Variants in ZMYM5 observed in about 807,000 individuals in gnomAD.
ZMYM5 encodes the protein zinc finger MYM-type containing 5.
Under a neutral mutation model 61.8 loss-of-function variants are expected in ZMYM5, and 41 were observed. The ratio of observed to expected loss-of-function variants is 0.66; its 90% confidence interval spans 0.52 to 0.86. The LOEUF (loss-of-function observed/expected upper bound fraction) is 0.86. Among genes scored for constraint, ZMYM5 ranks in the 40% least tolerant of loss-of-function variants. ZMYM5 has a pLI of 0.00. For missense variants in ZMYM5, 706 were observed against 786.7 expected (o/e 0.90, Z 1.23); for synonymous variants, 257 against 276.4 (o/e 0.93, Z 0.70).
intron 6 of ZMYM5, among the ~76,000 whole-genome samples, chr13:19,836,705 C>T (rs557719642): frequency 5.9e-5 from 9 of 152,256 alleles, no homozygotes; most frequent in South Asian, 4.1e-4. Flanking sequence ...TATTCAGGAT[C>T]GTGTCTGTAT....
At chr13:19,853,731 A>G (rs540458211) in intron 2 of ZMYM5, among the ~76,000 whole-genome samples, 150 of 151,252 alleles carry the variant, frequency 9.9e-4, no homozygotes, top group Non-Finnish European at 1.7e-3. Flanking sequence ...CTTCCTGAGT[A>G]GCATGCCTGG....
rs754150009 is a variant in ZMYM5, at chr13:19,824,586, T to G, written c.1901A>C (p.Lys634Thr). The G allele has an allele frequency of 7.6e-7, 1 of 1,317,226 alleles. No homozygotes were observed. The highest frequency in any genetic ancestry group is 1.2e-5 in the South Asian group (1 of 80,450). The allele number at this position is 1,317,226 out of a possible 1,614,324, so 81.6% of individuals were successfully genotyped here. Residue 634 changes from lysine (K) to threonine (T), a missense_variant, in exon 8 of 8, where the codon AAG becomes ACG. This residue lies in a region of ZMYM5 where 226 missense variants were observed against 325.0 expected (regional missense o/e 0.70). Coordinates refer to ENST00000337963, the MANE Select transcript of ZMYM5 (RefSeq NM_001142684.2). ...CAGATCAGATTTTAATTTTGAGTAC[T>G]TAACACTATTGTTGACGTGCATTTC... ...ESEMHVNNSV[K>T]YSKLKSDLKK...
chr13:19,825,231 A>G lies in ZMYM5; in HGVS notation c.1256T>C (p.Met419Thr), dbSNP rs1342248454. Residue 419 changes from methionine (M) to threonine (T), a missense_variant, in exon 8 of 8, where the codon ATG becomes ACG. Transcript: ENST00000337963. The part of the protein sequence containing the change: ...QSCINEYKQM[M>T]ETKSKKLTAS... ...TGTTAATTTTTTTGATTTTGTTTCC[A>G]TCATCTGAGGACAAAGAGGATTATA... The G allele has an allele frequency of 7.9e-7, 1 of 1,258,836 alleles. No homozygotes were observed. 78.0% of individuals were successfully genotyped at this position (1,258,836 alleles called of 1,614,324 possible).
chr13:19,843,644 C>G (rs1038554778), intron 4 of ZMYM5: 2 of 151,430 alleles, frequency 1.3e-5, no homozygotes, highest in African/African-American at 4.9e-5. Flanking sequence ...GAGACCAGTC[C>G]GGGCAACATG....
chr13:19,826,541 G>A (rs1320763177), intron 7 of ZMYM5, among the ~76,000 whole-genome samples: 1 of 151,924 alleles, frequency 6.6e-6, no homozygotes, highest in East Asian at 1.9e-4. Flanking sequence ...GGGATCACGA[G>A]GTCAGGAGTT....
chr13:19,829,438 C>T (rs1001279313), intron 7 of ZMYM5, among the ~76,000 whole-genome samples: 3 of 152,028 alleles, frequency 2.0e-5, no homozygotes, highest in African/African-American at 7.2e-5. Flanking sequence ...ACCACAGGGG[C>T]ATGCCACGCC....
Position 19,838,905 on chromosome 13 carries a change from G to C in ZMYM5, c.667C>G (p.Leu223Val), listed in dbSNP as rs1952765953. The change falls in exon 5 of 8, where the codon CTT becomes GTT. Residue 223 changes from leucine to valine, a missense_variant. Coordinates refer to ENST00000337963, the MANE Select transcript of ZMYM5 (RefSeq NM_001142684.2). ...GVDSLSPVAL[L>V]RKQNFQPTAQ... ...GTAGGCTGGAAATTCTGCTTACGAA[G>C]TAAGGCCACTGGTGATAAAGAATCC... 1 of 1,614,116 alleles carries C rather than the reference G, an allele frequency of 6.2e-7. No homozygotes were observed. The highest frequency in any genetic ancestry group is 2.2e-5 in the East Asian group (1 of 44,884).
intron 7 of ZMYM5, among the ~76,000 whole-genome samples, chr13:19,831,591 T>C (rs776230749): frequency 6.6e-5 from 10 of 150,630 alleles, no homozygotes; most frequent in Non-Finnish European, 1.5e-4. Context: ...AAGTCAGGAG[T>C]TCAAGACCAG....
chr13:19,853,369 G>C (rs576783041), intron 2 of ZMYM5, among the ~76,000 whole-genome samples: 42 of 152,240 alleles, frequency 2.8e-4, no homozygotes, highest in African/African-American at 9.9e-4. Flanking sequence ...TATCTCAACT[G>C]AAAGAAGGCA....
chr13:19,838,471 A>G (rs71424005), intron 5 of ZMYM5, among the ~76,000 whole-genome samples: 16,412 of 152,204 alleles, frequency 0.11, 1,012 homozygotes, highest in Middle Eastern at 0.14. Flanking sequence ...AGTAGCAGGG[A>G]GAGGGGCAAT....
At chr13:19,842,569 T>C (rs749389842) in intron 4 of ZMYM5, among the ~76,000 whole-genome samples, 2 of 151,132 alleles carry the variant, frequency 1.3e-5, no homozygotes, top group African/African-American at 2.4e-5. Flanking sequence ...CTTTTATCTA[T>C]GCTATGTCAA....
At position 19,851,344 on chromosome 13, in the gene ZMYM5, T is replaced by C; in HGVS notation, c.586+11A>G. The C allele has an allele frequency of 6.2e-7, 1 of 1,606,046 alleles. No individual in the cohort carries two copies. Among genetic ancestry groups the C allele is most frequent in the Non-Finnish European group, 8.5e-7 (1 of 1,172,648 alleles). ...TTACTTGAGGTAGAAACAGTATCAC[T>C]TACTGCTTACCAGGACTATGATGAG... On this transcript the variant is annotated intron_variant, in intron 4 of 7. Transcript: ENST00000337963.
intron 6 of ZMYM5, among the ~76,000 whole-genome samples, chr13:19,837,135 G>A (rs747654107): frequency 8.6e-5 from 13 of 151,844 alleles, no homozygotes; most frequent in African/African-American, 1.2e-4. Context: ...TGGTTCAAGC[G>A]ATTCTCCTGC....
At position 19,835,485 on chromosome 13, in the gene ZMYM5, A is replaced by AT. The variant is rs1329606878; in HGVS notation, c.1242dup (p.Tyr415IlefsTer2). On this transcript the variant is annotated frameshift_variant, in exon 7 of 8. Transcript: ENST00000337963. LOFTEE classifies it high-confidence loss of function. ...TCATGAAAAAGAATTACCTGTTTAT[A>AT]TTCGTTAATACAACTTTGGCAGCAA... The AT allele has an allele frequency of 7.3e-7, 1 of 1,367,186 alleles. No homozygotes were observed. Among genetic ancestry groups the AT allele is most frequent in the East Asian group, 4.5e-5 (1 of 21,988 alleles). 84.7% of individuals were successfully genotyped at this position (1,367,186 alleles called of 1,614,324 possible). A position where few individuals can be genotyped will look rare whatever the true frequency, so the allele number is the denominator to read the frequency against.
At position 19,825,184 on chromosome 13, in the gene ZMYM5, T is replaced by G. The variant is rs367796144; in HGVS notation, c.1303A>C (p.Asn435His). 2 of 1,288,202 alleles carry G rather than the reference T, an allele frequency of 1.6e-6. No homozygotes were observed. Among genetic ancestry groups the G allele is most frequent in the African/African-American group, 3.1e-5 (2 of 64,636 alleles). 79.8% of individuals were successfully genotyped at this position (1,288,202 alleles called of 1,614,324 possible). A position where few individuals can be genotyped will look rare whatever the true frequency, so the allele number is the denominator to read the frequency against. Residue 435 changes from asparagine to histidine, a missense_variant, in exon 8 of 8, where the codon AAT (asparagine) becomes CAT (histidine). Asn to His is a moderately conservative substitution (Grantham distance 68). This residue lies in a region of ZMYM5 where 226 missense variants were observed against 325.0 expected (regional missense o/e 0.70). Coordinates refer to ENST00000337963, the MANE Select transcript of ZMYM5 (RefSeq NM_001142684.2). ...TTCTCATTTTCTTCTCTAAAAGCATTCCTTTTTCTATTTTCTGATGCTGTT... is the reference window on the plus strand; with the variant it reads ...TTCTCATTTTCTTCTCTAAAAGCATGCCTTTTTCTATTTTCTGATGCTGTT... ...KLTASENRKR[N>H]AFREENEKQL...
intron 1 of ZMYM5, 101 bp from the exon 2 acceptor site, chr13:19,862,567 T>G (rs1236288846): frequency 6.6e-6 from 1 of 152,170 alleles, no homozygotes; most frequent in Non-Finnish European, 1.5e-5. Context: ...AAGGAGTTCC[T>G]GGGCTCTGCT....
In ZMYM5 at chr13:19,845,951, T is replaced by C. The variant is rs181820277; in HGVS notation, c.586+5404A>G. ...TCCAGATCCCCTCCTCTCCCAGACT[T>C]TGGGCTGGCTCAAAGACCCAAGTTT... is the stretch of plus-strand genomic sequence containing the variant. On this transcript the variant is annotated intron_variant, in intron 4 of 7. Transcript: ENST00000337963. Among the ~76,000 whole-genome samples the C allele has an allele frequency of 2.3e-3, 349 of 152,286 alleles. 3 individuals carry two copies. Among genetic ancestry groups the C allele is most frequent in the African/African-American group, 8.0e-3 (331 of 41,568 alleles).
chr13:19,836,888 T>C (rs1952689226), intron 6 of ZMYM5, among the ~76,000 whole-genome samples: 1 of 152,190 alleles, frequency 6.6e-6, no homozygotes, highest in South Asian at 2.1e-4. Context: ...GCAATATCAC[T>C]GAATGTTAAG....
chr13:19,851,902 T>C lies in ZMYM5; in HGVS notation c.279A>G (p.Gln93=). 1 of 1,613,014 alleles carries C rather than the reference T, an allele frequency of 6.2e-7. No individual in the cohort carries two copies. The highest frequency in any genetic ancestry group is 8.5e-7 in the Non-Finnish European group (1 of 1,179,776). Residue 93 remains glutamine, a synonymous_variant, in exon 3 of 8, where the codon CAA becomes CAG. Transcript: ENST00000337963. ...AAGGAGGAATTACAGAATAATTTCC[T>C]TGAGGCTTTTCATTTTTTGATGATG... ...IFASSKNEKP[Q]GNYSVIPPSS...
Sources: allele counts gnomAD v4.1 joint callset (sites outside exome capture counted in the v4.1 genomes callset), GRCh38; gene constraint gnomAD v4.1.1; regional missense constraint gnomAD v4.1.1; transcripts MANE v1.5; gene names NCBI Gene and HGNC (gene_info 2026-07-23, HGNC 2026-07-21).